Variants in KCNH8 observed in about 807,000 individuals in gnomAD.
KCNH8 encodes voltage-gated delayed rectifier potassium channel KCNH8.
Under a neutral mutation model 103.6 loss-of-function variants are expected in KCNH8, and 70 were observed. That is an observed-to-expected ratio of 0.68 (90% CI 0.56 to 0.82). The LOEUF (loss-of-function observed/expected upper bound fraction) is 0.82. KCNH8 is among the 40% of genes least tolerant of loss of function. KCNH8 has a pLI of 0.00. For synonymous variants in KCNH8, 498 were observed against 489.4 expected, an observed-to-expected ratio of 1.02 and a Z score of -0.23; for missense variants, 1,217 against 1,329.9, an observed-to-expected ratio of 0.92 and a Z score of 1.32.
chr3:19,338,595 G>T (rs992433954), intron 3 of KCNH8, among the ~76,000 whole-genome samples: 6 of 152,026 alleles, frequency 3.9e-5, no homozygotes, highest in Non-Finnish European at 7.4e-5. Context: ...ATACCATTTA[G>T]TAAGGCACGG....
intron 3 of KCNH8, among the ~76,000 whole-genome samples, chr3:19,299,202 C>T (rs2065032976): frequency 6.6e-6 from 1 of 152,118 alleles, no homozygotes; most frequent in Admixed American, 6.5e-5. Flanking sequence ...AGAAAAATTT[C>T]ATTAAGAGTT....
chr3:19,420,988 T>A lies in KCNH8; in HGVS notation c.1178-17176T>A, dbSNP rs149486996. On this transcript the variant is annotated intron_variant, in intron 7 of 15. Transcript: ENST00000328405. ...GTGTGTGTACACATGCATACGTGTG[T>A]TAAGAGAGAAGGAGGGAGAAAAGAA... is the stretch of plus-strand genomic sequence containing the variant. 4.1e-3 allele frequency among the ~76,000 whole-genome samples: 619 copies of A among 152,178 alleles called. 6 individuals carry two copies. The highest frequency in any genetic ancestry group is 0.014 in the African/African-American group (583 of 41,516).
At chr3:19,149,556 A>T (rs1245784649) in intron 1 of KCNH8, among the ~76,000 whole-genome samples, 2 of 151,950 alleles carry the variant, frequency 1.3e-5, no homozygotes, top group African/African-American at 2.4e-5. Context: ...ACGGTTCGTT[A>T]TCATCTGCAA....
At chr3:19,528,836 G>A (rs1373697213) in intron 15 of KCNH8, among the ~76,000 whole-genome samples, 1 of 152,074 alleles carries the variant, frequency 6.6e-6, no homozygotes, top group Non-Finnish European at 1.5e-5. Flanking sequence ...TTGAGACCAG[G>A]AGATACTGAG....
chr3:19,498,580 C>T (rs892019096), intron 11 of KCNH8, among the ~76,000 whole-genome samples: 2 of 152,148 alleles, frequency 1.3e-5, no homozygotes, highest in African/African-American at 4.8e-5. Context: ...TCTCTCAACT[C>T]GTCAAAGTCA....
intron 2 of KCNH8, among the ~76,000 whole-genome samples, chr3:19,279,568 T>A (rs1213902334): frequency 7.0e-6 from 1 of 142,506 alleles, no homozygotes; most frequent in Non-Finnish European, 1.5e-5. Flanking sequence ...GCCATAGGGC[T>A]AAAAAAAAAA....
intron 1 of KCNH8, among the ~76,000 whole-genome samples, chr3:19,170,671 TATACAC>T (rs2063334718): frequency 7.0e-6 from 1 of 142,820 alleles, no homozygotes; most frequent in African/African-American, 2.8e-5. Context: ...CACACATATA[TATACAC>T]ACACACATAT....
chr3:19,176,678 T>A (rs887879823), intron 1 of KCNH8, among the ~76,000 whole-genome samples: 3 of 152,156 alleles, frequency 2.0e-5, no homozygotes, highest in Non-Finnish European at 4.4e-5. Context: ...TTTCTGACAT[T>A]ACCTATCTTT....
intron 7 of KCNH8, among the ~76,000 whole-genome samples, chr3:19,412,910 T>G (rs1244552551): frequency 3.9e-5 from 6 of 151,966 alleles, no homozygotes; most frequent in Non-Finnish European, 7.4e-5. Flanking sequence ...AAGGAACACG[T>G]TGGTGGCAAT....
At chr3:19,333,098 G>T (rs77288535) in intron 3 of KCNH8, among the ~76,000 whole-genome samples, 1,680 of 152,188 alleles carry the variant, frequency 0.011, 26 homozygotes, top group African/African-American at 0.037. Context: ...CAATTTGCAT[G>T]CCCCTAATGG....
rs566457838 is a variant in KCNH8, at chr3:19,392,855, T to C, written c.969+2217T>C. ...GAAGTATGAATCCAAGTTCTATCAT[T>C]TACCATCTGAGTAACTTATTTGGGG... On this transcript the variant is annotated intron_variant, in intron 6 of 15. Coordinates refer to ENST00000328405, the MANE Select transcript of KCNH8 (RefSeq NM_144633.3). 9.2e-4 allele frequency among the ~76,000 whole-genome samples: 140 copies of C among 152,128 alleles called. 1 individual carries two copies. Among genetic ancestry groups the C allele is most frequent in the South Asian group, 1.5e-3 (7 of 4,824 alleles).
intron 3 of KCNH8, among the ~76,000 whole-genome samples, chr3:19,292,036 C>T (rs1289675550): frequency 6.6e-6 from 1 of 152,080 alleles, no homozygotes; most frequent in Non-Finnish European, 1.5e-5. Flanking sequence ...GTCAATTTTC[C>T]AAACATTTTT....
intron 1 of KCNH8, among the ~76,000 whole-genome samples, chr3:19,209,061 G>A (rs534392424): frequency 6.6e-6 from 1 of 151,758 alleles, no homozygotes; most frequent in East Asian, 1.9e-4. Context: ...TATAAATATA[G>A]ACTACACAGT....
intron 2 of KCNH8, among the ~76,000 whole-genome samples, chr3:19,258,864 A>C (rs143955938): frequency 6.8e-6 from 1 of 147,988 alleles, no homozygotes; most frequent in Non-Finnish European, 1.5e-5. Flanking sequence ...TCTTGTTGAG[A>C]TATATATTAC....
Position 19,534,073 on chromosome 3 carries a change from A to AAAGAT in KCNH8, c.3301_3305dup (p.Asn1102LysfsTer6), listed in dbSNP as rs1413860631. On this transcript the variant is annotated frameshift_variant, in exon 16 of 16. Transcript: ENST00000328405. LOFTEE classifies it high-confidence loss of function. ...AGTTGTCACAAGCACAGCAGAAGTG[A>AAAGAT]AAGATAACAAAGCCATAAATGTATG... The AAAGAT allele has an allele frequency of 6.2e-7, 1 of 1,613,756 alleles. No homozygotes were observed. The highest frequency in any genetic ancestry group is 1.7e-5 in the Admixed American group (1 of 59,998).
chr3:19,370,063 G>A (rs1486398004), intron 5 of KCNH8, among the ~76,000 whole-genome samples: 1 of 151,994 alleles, frequency 6.6e-6, no homozygotes, highest in Non-Finnish European at 1.5e-5. Context: ...AATAAATGCA[G>A]ACTTGCTGCC....
At chr3:19,167,807 A>C (rs2063300342) in intron 1 of KCNH8, among the ~76,000 whole-genome samples, 1 of 152,192 alleles carries the variant, frequency 6.6e-6, no homozygotes, top group Admixed American at 6.5e-5. Flanking sequence ...GAAATTTAAC[A>C]TTGAAACAAT....
At chr3:19,445,183 C>T (rs990772620) in intron 8 of KCNH8, among the ~76,000 whole-genome samples, 9 of 151,814 alleles carry the variant, frequency 5.9e-5, no homozygotes, top group Non-Finnish European at 1.3e-4. Flanking sequence ...ATGGATAAAT[C>T]GTACAAACTC....
chr3:19,312,017 C>T lies in KCNH8; in HGVS notation c.443-30570C>T, dbSNP rs1169887732. ...TTTTAGACATACGGATTGCCTTTCT[C>T]AAACTCTTTCTTCCGCAGTGTTTTG... On this transcript the variant is annotated intron_variant, in intron 3 of 15. Transcript: ENST00000328405. Among the ~76,000 whole-genome samples the T allele has an allele frequency of 2.6e-5, 4 of 151,878 alleles. No individual in the cohort carries two copies. In the East Asian group the frequency reaches 7.7e-4, roughly 29 times the overall value.
Sources: allele counts gnomAD v4.1 joint callset (sites outside exome capture counted in the v4.1 genomes callset), GRCh38; gene constraint gnomAD v4.1.1; transcripts MANE v1.5; gene names NCBI Gene and HGNC (gene_info 2026-07-23, HGNC 2026-07-21).